KAT6B: variants seen among roughly 807,000 people sequenced by gnomAD.
KAT6B encodes lysine acetyltransferase 6B.
KAT6B carries 10 observed loss-of-function variants against 187.5 expected under a neutral mutation model. The ratio of observed to expected loss-of-function variants is 0.05; its 90% confidence interval spans 0.03 to 0.09. The LOEUF (loss-of-function observed/expected upper bound fraction) is 0.09, where lower values mean the gene tolerates loss of function less well. Among genes scored for constraint, KAT6B ranks in the 10% least tolerant of loss-of-function variants. The pLI is 1.00. For missense variants in KAT6B, 1,952 were observed against 2,558.9 expected, an observed-to-expected ratio of 0.76 and a Z score of 5.12; for synonymous variants, 861 against 926.8, an observed-to-expected ratio of 0.93 and a Z score of 1.29.
At chr10:75,019,348 G>A (rs1413700833) in intron 13 of KAT6B, among the ~76,000 whole-genome samples, 1 of 152,170 alleles carries the variant, frequency 6.6e-6, no homozygotes. Flanking sequence ...CCCTTCGAGG[G>A]TTCAGGCTGG....
At chr10:75,027,280 C>A (rs1407965852) in intron 17 of KAT6B, among the ~76,000 whole-genome samples, 1 of 152,186 alleles carries the variant, frequency 6.6e-6, no homozygotes, top group South Asian at 2.1e-4. Context: ...CATATGTGTT[C>A]TTTTCAGCTG....
At chr10:74,955,858 C>T (rs1424877273) in intron 3 of KAT6B, among the ~76,000 whole-genome samples, 1 of 152,104 alleles carries the variant, frequency 6.6e-6, no homozygotes, top group Non-Finnish European at 1.5e-5. Flanking sequence ...AATCCAACCA[C>T]GGATCACAGA....
At chr10:74,986,545 G>T (rs1842822536) in intron 12 of KAT6B, among the ~76,000 whole-genome samples, 1 of 152,148 alleles carries the variant, frequency 6.6e-6, no homozygotes, top group Non-Finnish European at 1.5e-5. Context: ...TCAACCCAAA[G>T]ATCATAAACA....
chr10:75,003,565 C>T (rs745312575), intron 13 of KAT6B, among the ~76,000 whole-genome samples: 1 of 152,138 alleles, frequency 6.6e-6, no homozygotes. Flanking sequence ...TTGGAAGACA[C>T]ATTTTGACCT....
At chr10:74,992,602 AGTT>A (rs1464471761) in intron 13 of KAT6B, among the ~76,000 whole-genome samples, 5 of 152,184 alleles carry the variant, frequency 3.3e-5, no homozygotes, top group Admixed American at 2.0e-4. Flanking sequence ...AGTTGAACCA[AGTT>A]GTAAGTTGTA....
At chr10:75,002,330 T>C (rs1843895224) in intron 13 of KAT6B, among the ~76,000 whole-genome samples, 1 of 152,008 alleles carries the variant, frequency 6.6e-6, no homozygotes, top group South Asian at 2.1e-4. Flanking sequence ...TCTTAGGGAC[T>C]TGTGTTATTT....
chr10:74,996,768 C>CAAA (rs56042160), intron 13 of KAT6B, among the ~76,000 whole-genome samples: 10 of 77,074 alleles, frequency 1.3e-4, no homozygotes, highest in Non-Finnish European at 1.8e-4. Flanking sequence ...GACTCGGTCT[C>CAAA]AAAAAAAAAA....
rs1165700241 is a variant in KAT6B, at chr10:74,830,232, C to G, written c.-329+3447C>G. On this transcript the variant is annotated intron_variant, in intron 1 of 17. Transcript: ENST00000287239. ...CCCATGATCTTCTGATACCTGTCTT[C>G]TCGCAGACCCCAGAAAGAGAATACA... Among the ~76,000 whole-genome samples the G allele has an allele frequency of 2.0e-5, 3 of 152,192 alleles. No homozygotes were observed. The East Asian group carries it at 5.8e-4, about 30-fold the overall frequency.
At position 74,976,139 on chromosome 10, in the gene KAT6B, C is replaced by G; in HGVS notation, c.1802C>G (p.Ser601Cys). 2 of 1,614,016 alleles carry G rather than the reference C, an allele frequency of 1.2e-6. No individual in the cohort carries two copies. Among genetic ancestry groups the G allele is most frequent in the Non-Finnish European group, 1.7e-6 (2 of 1,179,858 alleles). The change falls in exon 8 of 18, where the codon TCC becomes TGC. Residue 601 changes from serine (S) to cysteine (C), a missense_variant. Physicochemically the swap from Ser to Cys is moderately radical, Grantham distance 112. Around this residue, in one of 9 missense-constraint regions of KAT6B, gnomAD observed 417 missense variants for 508.9 expected, o/e 0.82. Transcript: ENST00000287239. ...RDIRSRFISHSSSSSWGMARG... is the reference protein window; with the variant it reads ...RDIRSRFISHCSSSSWGMARG... Reference sequence around the variant, plus strand: ...ATTAGAAGTCGGTTTATTTCTCACTCCTCCTCCTCTAGCTGGGGGATGGCT... The same window carrying G: ...ATTAGAAGTCGGTTTATTTCTCACTGCTCCTCCTCTAGCTGGGGGATGGCT...
intron 13 of KAT6B, among the ~76,000 whole-genome samples, chr10:74,996,933 T>C (rs1843472902): frequency 6.6e-6 from 1 of 152,026 alleles, no homozygotes; most frequent in Admixed American, 6.6e-5. Flanking sequence ...GTATTAATAT[T>C]TAAAGCAAAC....
At chr10:74,910,614 CT>C (rs140362476) in intron 3 of KAT6B, among the ~76,000 whole-genome samples, 1,986 of 147,358 alleles carry the variant, frequency 0.013, 14 homozygotes, top group Middle Eastern at 0.032. Context: ...CACATTTTTT[CT>C]TTTTTTTTTG....
intron 13 of KAT6B, among the ~76,000 whole-genome samples, chr10:74,995,829 A>C (rs1449168410): frequency 6.6e-6 from 1 of 152,226 alleles, no homozygotes; most frequent in Admixed American, 6.5e-5. Context: ...CTTAGGTAGC[A>C]GTTATTGTAT....
At chr10:74,966,184 G>T (rs1000811536) in intron 4 of KAT6B, among the ~76,000 whole-genome samples, 2 of 152,192 alleles carry the variant, frequency 1.3e-5, no homozygotes, top group African/African-American at 4.8e-5. Context: ...GTGATAGCAG[G>T]TGGAGTCTCT....
intron 3 of KAT6B, among the ~76,000 whole-genome samples, chr10:74,894,955 A>G (rs1458396005): frequency 1.3e-5 from 2 of 151,992 alleles, no homozygotes; most frequent in East Asian, 3.9e-4. Flanking sequence ...TCTGTTTTTA[A>G]TTCTTTGAGG....
chr10:74,854,322 T>A (rs1842679186), intron 3 of KAT6B, among the ~76,000 whole-genome samples: 1 of 152,180 alleles, frequency 6.6e-6, no homozygotes, highest in Admixed American at 6.5e-5. Flanking sequence ...GCAGTGGATA[T>A]GTGAAATGCT....
intron 3 of KAT6B, among the ~76,000 whole-genome samples, chr10:74,892,639 G>A (rs1164586198): frequency 6.6e-6 from 1 of 152,128 alleles, no homozygotes; most frequent in Non-Finnish European, 1.5e-5. Flanking sequence ...TGGGGGAGGT[G>A]GGGGTTTCTC....
chr10:74,845,042 C>A (rs1019018170), intron 3 of KAT6B, among the ~76,000 whole-genome samples: 1 of 151,804 alleles, frequency 6.6e-6, no homozygotes, highest in Non-Finnish European at 1.5e-5. Context: ...CATAGTAAGA[C>A]CCCTGTCTCT....
chr10:75,022,324 C>G (rs2134171812), intron 16 of KAT6B, 93 bp downstream of exon 16: 1 of 1,410,480 alleles, frequency 7.1e-7, no homozygotes, highest in East Asian at 2.3e-5. Flanking sequence ...GTTTCACTCT[C>G]TGTTCTTTAG....
intron 12 of KAT6B, among the ~76,000 whole-genome samples, chr10:74,986,473 G>A (rs1204411141): frequency 2.0e-5 from 3 of 152,270 alleles, no homozygotes; most frequent in South Asian, 2.1e-4. Flanking sequence ...TTTTAATGAA[G>A]TTTCAAAAGA....
Sources: allele counts gnomAD v4.1 joint callset (sites outside exome capture counted in the v4.1 genomes callset), GRCh38; gene constraint gnomAD v4.1.1; regional missense constraint gnomAD v4.1.1; transcripts MANE v1.5; gene names NCBI Gene and HGNC (gene_info 2026-07-23, HGNC 2026-07-21).